The following TCF7L1 variants were observed in gnomAD, a reference collection of about 807,000 sequenced individuals.
The protein encoded by TCF7L1 is transcription factor 7-like 1.
Under a neutral mutation model 63.7 loss-of-function variants are expected in TCF7L1, and 18 were observed. The ratio of observed to expected loss-of-function variants is 0.28; its 90% CI spans 0.20 to 0.42. TCF7L1 has a LOEUF of 0.42. Ranked by LOEUF, TCF7L1 falls within the 10% of genes least tolerant of loss-of-function variation. The probability of loss-of-function intolerance (pLI) is 1.00; values close to 1 mark genes in which losing one functional copy is unlikely to be tolerated. For synonymous variants in TCF7L1, 355 were observed against 340.9 expected (o/e 1.04, Z -0.46); for missense variants, 654 against 779.3 (o/e 0.84, Z 1.91).
chr2:85,279,464 A>G (rs886093193), intron 3 of TCF7L1, among the ~76,000 whole-genome samples: 31 of 152,332 alleles, frequency 2.0e-4, no homozygotes, highest in African/African-American at 7.0e-4. Flanking sequence ...GCTAGGCCTG[A>G]TGCTAGGAAT....
intron 4 of TCF7L1, among the ~76,000 whole-genome samples, chr2:85,286,191 CA>C (rs1221041124): frequency 0.032 from 1,794 of 56,418 alleles, 23 homozygotes; most frequent in African/African-American, 0.073. Flanking sequence ...AACTCCATCT[CA>C]AAAAAAAAAA....
At chr2:85,148,606 C>T (rs528104953) in intron 3 of TCF7L1, among the ~76,000 whole-genome samples, 1 of 151,730 alleles carries the variant, frequency 6.6e-6, no homozygotes, top group Non-Finnish European at 1.5e-5. Context: ...AGGAGTTGTT[C>T]GAGGCTGAAA....
chr2:85,163,044 C>T (rs556410870), intron 3 of TCF7L1, among the ~76,000 whole-genome samples: 23 of 152,198 alleles, frequency 1.5e-4, no homozygotes, highest in Admixed American at 3.3e-4. Flanking sequence ...GCACTCTCGC[C>T]GGATTCTGAG....
chr2:85,229,839 T>G (rs1042524124), intron 3 of TCF7L1, among the ~76,000 whole-genome samples: 7 of 152,082 alleles, frequency 4.6e-5, no homozygotes, highest in Non-Finnish European at 1.0e-4. Flanking sequence ...AAAACCTGTC[T>G]CTACTAAAAA....
chr2:85,195,802 C>T (rs1052585140), intron 3 of TCF7L1, among the ~76,000 whole-genome samples: 1 of 151,936 alleles, frequency 6.6e-6, no homozygotes, highest in Admixed American at 6.5e-5. Flanking sequence ...CTGCCTCGGC[C>T]TCCCAAAGTG....
chr2:85,161,037 C>T (rs916237501), intron 3 of TCF7L1, among the ~76,000 whole-genome samples: 2 of 152,104 alleles, frequency 1.3e-5, no homozygotes, highest in East Asian at 3.9e-4. Flanking sequence ...CTTAGTGGGC[C>T]GACTTCTGGG....
At chr2:85,205,936 A>G (rs1307186510) in intron 3 of TCF7L1, among the ~76,000 whole-genome samples, 1 of 152,250 alleles carries the variant, frequency 6.6e-6, no homozygotes, top group African/African-American at 2.4e-5. Context: ...CTGGAGATGG[A>G]TAATTCATTG....
At chr2:85,296,219 A>G (rs552483012) in intron 4 of TCF7L1, among the ~76,000 whole-genome samples, 1 of 152,254 alleles carries the variant, frequency 6.6e-6, no homozygotes, top group Admixed American at 6.5e-5. Flanking sequence ...TGTAGCCCTC[A>G]TGTCTCTTTA....
At chr2:85,229,869 G>A (rs1365466214) in intron 3 of TCF7L1, among the ~76,000 whole-genome samples, 3 of 152,098 alleles carry the variant, frequency 2.0e-5, no homozygotes, top group African/African-American at 7.2e-5. Flanking sequence ...ATAGCCGGAC[G>A]TGGTGGCACA....
At chr2:85,212,307 A>C (rs929852124) in intron 3 of TCF7L1, among the ~76,000 whole-genome samples, 2 of 152,118 alleles carry the variant, frequency 1.3e-5, no homozygotes, top group Non-Finnish European at 2.9e-5. Flanking sequence ...GCATGACCTC[A>C]AGCAGGTTAC....
At position 85,309,538 on chromosome 2, in the gene TCF7L1, T is replaced by G. The variant is rs1182105511; in HGVS notation, c.*76T>G. ...TTCAGAAGAAAAAGAAAAAGGAGAC[T>G]TTATTGGTCAATATTTGACCACTCT... On this transcript the variant is annotated 3_prime_UTR_variant, in exon 12 of 12. Coordinates refer to ENST00000282111, the MANE Select transcript of TCF7L1 (RefSeq NM_031283.3). 2 of 1,460,084 alleles carry G rather than the reference T, an allele frequency of 1.4e-6. No homozygotes were observed. The highest frequency in any genetic ancestry group is 1.8e-6 in the Non-Finnish European group (2 of 1,090,426). 90.4% of individuals were successfully genotyped at this position (1,460,084 alleles called of 1,614,324 possible). A position where few individuals can be genotyped will look rare whatever the true frequency, so the allele number is the denominator to read the frequency against.
intron 3 of TCF7L1, among the ~76,000 whole-genome samples, chr2:85,140,273 T>G (rs1002295937): frequency 3.3e-5 from 5 of 152,084 alleles, no homozygotes; most frequent in African/African-American, 1.2e-4. Context: ...TATGAGAGGC[T>G]CTCATTGGGA....
chr2:85,243,189 G>A (rs1027318145), intron 3 of TCF7L1, among the ~76,000 whole-genome samples: 1 of 152,124 alleles, frequency 6.6e-6, no homozygotes, highest in Non-Finnish European at 1.5e-5. Context: ...ACATGTTATG[G>A]CTACTCCTCG....
chr2:85,246,211 C>G (rs1004830060), intron 3 of TCF7L1, among the ~76,000 whole-genome samples: 7 of 152,206 alleles, frequency 4.6e-5, no homozygotes, highest in Middle Eastern at 3.2e-3. Context: ...TTTCCACTTG[C>G]AATTACTCAT....
chr2:85,196,542 T>A (rs1180669278), intron 3 of TCF7L1, among the ~76,000 whole-genome samples: 2 of 151,970 alleles, frequency 1.3e-5, no homozygotes, highest in Admixed American at 6.6e-5. Flanking sequence ...GGACTATTTT[T>A]TTTTTTTTTA....
At chr2:85,242,912 TTTTCC>T (rs756489903) in intron 3 of TCF7L1, among the ~76,000 whole-genome samples, 2 of 152,210 alleles carry the variant, frequency 1.3e-5, no homozygotes, top group African/African-American at 4.8e-5. Flanking sequence ...AAAGGGCATG[TTTTCC>T]TTTCCTTTCC....
intron 10 of TCF7L1, among the ~76,000 whole-genome samples, chr2:85,307,421 G>T (rs1682143146): frequency 6.6e-6 from 1 of 152,134 alleles, no homozygotes; most frequent in South Asian, 2.1e-4. Flanking sequence ...AGAAGGCCTG[G>T]ACACCCGACC....
intron 4 of TCF7L1, among the ~76,000 whole-genome samples, chr2:85,294,887 A>T (rs548637080): frequency 6.6e-6 from 1 of 151,984 alleles, no homozygotes; most frequent in East Asian, 1.9e-4. Context: ...AAAAAAAATT[A>T]GCCGGGCATG....
At position 85,134,179 on chromosome 2, in the gene TCF7L1, C is replaced by T; in HGVS notation, c.313+100C>T. ...TCCCCCTTGCTTGGGTGGACGCACC[C>T]TTGCCCTCCGCCTTTATTGGCGGCA... On this transcript the variant is annotated intron_variant, in intron 2 of 11. Transcript: ENST00000282111. The surrounding 1 kb of genome is among the most constrained non-coding windows in gnomAD (Gnocchi z 5.0). 1 of 1,526,346 alleles carries T rather than the reference C, an allele frequency of 6.6e-7. No individual in the cohort carries two copies. Among genetic ancestry groups the T allele is most frequent in the East Asian group, 2.4e-5 (1 of 41,034 alleles). 94.6% of individuals were successfully genotyped at this position (1,526,346 alleles called of 1,614,324 possible). A position where few individuals can be genotyped will look rare whatever the true frequency, so the allele number is the denominator to read the frequency against.
Sources: allele counts gnomAD v4.1 joint callset (sites outside exome capture counted in the v4.1 genomes callset), GRCh38; gene constraint gnomAD v4.1.1; non-coding constraint Gnocchi (gnomAD v3.1); transcripts MANE v1.5; gene names NCBI Gene and HGNC (gene_info 2026-07-23, HGNC 2026-07-21).